The following MAML2 variants were observed in gnomAD, a reference collection of about 807,000 sequenced individuals.
MAML2 encodes the protein mastermind like transcriptional coactivator 2, also known as mastermind-like protein 2.
A neutral mutation model predicts 96.1 loss-of-function variants in MAML2; 22 were observed. The observed-to-expected ratio is 0.23, with a 90% confidence interval of 0.16 to 0.33. The LOEUF (loss-of-function observed/expected upper bound fraction) is 0.33. Among genes scored for constraint, MAML2 ranks in the 10% least tolerant of loss-of-function variants. The pLI is 1.00. For synonymous variants in MAML2, 561 were observed against 521.3 expected, an observed-to-expected ratio of 1.08 and a Z score of -1.04; for missense variants, 1,367 against 1,392.4, an observed-to-expected ratio of 0.98 and a Z score of 0.29.
chr11:96,151,733 C>T (rs1860927038), intron 1 of MAML2, among the ~76,000 whole-genome samples: 1 of 152,198 alleles, frequency 6.6e-6, no homozygotes, highest in Non-Finnish European at 1.5e-5. Flanking sequence ...GAATAAAACT[C>T]CCCTGAGGCC....
intron 4 of MAML2, among the ~76,000 whole-genome samples, chr11:95,980,690 G>A (rs1857723717): frequency 6.6e-6 from 1 of 152,192 alleles, no homozygotes; most frequent in South Asian, 2.1e-4. Context: ...TAAGGCCGAA[G>A]CTCCTCCATT....
rs369382234 is a variant in MAML2 at position 96,092,593 on chromosome 11, T to C, written c.1438A>G (p.Ile480Val). Residue 480 changes from isoleucine to valine, a missense_variant, in exon 2 of 5, where the codon ATC (isoleucine) becomes GTC (valine). Coordinates refer to ENST00000524717, the MANE Select transcript of MAML2 (RefSeq NM_032427.4). The surrounding 1 kb of genome is among the most constrained non-coding windows in gnomAD (Gnocchi z 4.1). ...TGCTGACCAAAAGAAGGGCTGGGGA[T>C]TTTCTCCTGCCCAAATGGACCTGGT... Reference protein sequence around the residue: ...PSPGPFGQEKIPSPSFGQQTF... With the variant: ...PSPGPFGQEKVPSPSFGQQTF... 1 of 1,609,908 alleles carries C rather than the reference T, an allele frequency of 6.2e-7. No individual in the cohort carries two copies. Among genetic ancestry groups the C allele is most frequent in the African/African-American group, 1.3e-5 (1 of 74,758 alleles).
At chr11:96,182,957 C>CTTTTTTTTT (rs11301035) in intron 1 of MAML2, among the ~76,000 whole-genome samples, 1 of 108,256 alleles carries the variant, frequency 9.2e-6, no homozygotes, top group Non-Finnish European at 1.9e-5. Context: ...CCTTTCTTTT[C>CTTTTTTTTT]TTTTTTTTTT....
chr11:96,113,663 C>T (rs1177038933), intron 1 of MAML2, among the ~76,000 whole-genome samples: 1 of 150,210 alleles, frequency 6.7e-6, no homozygotes, highest in Non-Finnish European at 1.5e-5. Flanking sequence ...TATGGGTTTG[C>T]ATTTGAAATG....
intron 1 of MAML2, among the ~76,000 whole-genome samples, chr11:96,281,917 C>A (rs925078674): frequency 6.6e-6 from 1 of 151,928 alleles, no homozygotes; most frequent in African/African-American, 2.4e-5. Context: ...ATCTACTGAG[C>A]AAACAAACTA....
chr11:96,272,832 T>C (rs1224243600), intron 1 of MAML2, among the ~76,000 whole-genome samples: 1 of 152,216 alleles, frequency 6.6e-6, no homozygotes, highest in African/African-American at 2.4e-5. Context: ...GTGCTCTTTG[T>C]GCTACAATCT....
intron 2 of MAML2, among the ~76,000 whole-genome samples, chr11:96,010,518 A>T (rs958414730): frequency 3.3e-5 from 5 of 152,196 alleles, no homozygotes; most frequent in Non-Finnish European, 7.3e-5. Context: ...TAGGATGCTG[A>T]CAGAGGCTAC....
chr11:96,159,855 G>A (rs1010724597), intron 1 of MAML2, among the ~76,000 whole-genome samples: 1 of 152,282 alleles, frequency 6.6e-6, no homozygotes, highest in African/African-American at 2.4e-5. Flanking sequence ...TAGGTGAGGT[G>A]ATACTGATGC....
intron 1 of MAML2, among the ~76,000 whole-genome samples, chr11:96,229,080 A>T (rs1182610050): frequency 6.6e-6 from 1 of 152,152 alleles, no homozygotes; most frequent in African/African-American, 2.4e-5. Context: ...AAAGAAAAAG[A>T]AAGTTGTTTC....
intron 2 of MAML2, among the ~76,000 whole-genome samples, chr11:96,059,701 C>T (rs1400340030): frequency 6.6e-6 from 1 of 152,176 alleles, no homozygotes; most frequent in African/African-American, 2.4e-5. Context: ...TGAGCATTTC[C>T]TTTGAACATC....
At chr11:96,111,795 G>A (rs1337211739) in intron 1 of MAML2, among the ~76,000 whole-genome samples, 1 of 152,162 alleles carries the variant, frequency 6.6e-6, no homozygotes, top group Non-Finnish European at 1.5e-5. Flanking sequence ...CCCACAGCTG[G>A]CTATGCCCAA....
chr11:96,337,404 G>A (rs1863934590), intron 1 of MAML2, among the ~76,000 whole-genome samples: 1 of 152,168 alleles, frequency 6.6e-6, no homozygotes, highest in South Asian at 2.1e-4. Context: ...ACTTTCTTAA[G>A]CTAACAATTA....
At chr11:96,164,093 C>T (rs1344901756) in intron 1 of MAML2, among the ~76,000 whole-genome samples, 1 of 151,752 alleles carries the variant, frequency 6.6e-6, no homozygotes, top group Admixed American at 6.6e-5. Flanking sequence ...CCAAGCTGGT[C>T]TCGAACTCCT....
intron 1 of MAML2, among the ~76,000 whole-genome samples, chr11:96,263,826 A>G (rs60299253): frequency 0.043 from 6,625 of 152,310 alleles, 466 homozygotes; most frequent in African/African-American, 0.15. Flanking sequence ...CAAGAGACCC[A>G]AATGTATGTT....
chr11:96,174,171 C>A (rs1236438839), intron 1 of MAML2, among the ~76,000 whole-genome samples: 1 of 152,110 alleles, frequency 6.6e-6, no homozygotes, highest in Non-Finnish European at 1.5e-5. Context: ...AGAAGGAAAA[C>A]CCTTCCTGGC....
In MAML2 at chr11:96,317,173, C is replaced by T. The variant is rs192005471; in HGVS notation, c.513+24210G>A. On this transcript the variant is annotated intron_variant, in intron 1 of 4. Transcript: ENST00000524717. ...TGTTCCATCTGGGTCACACATGAAG[C>T]CAACAGAGCTTCCACAGAAGGAAAG... Among the ~76,000 whole-genome samples the T allele has an allele frequency of 2.0e-5, 3 of 152,278 alleles. No individual in the cohort carries two copies. In the East Asian group the frequency reaches 5.8e-4, roughly 29 times the overall value.
intron 1 of MAML2, among the ~76,000 whole-genome samples, chr11:96,128,069 C>A (rs564294780): frequency 6.6e-5 from 10 of 152,232 alleles, no homozygotes; most frequent in African/African-American, 2.4e-4. Flanking sequence ...GACTGGGTGT[C>A]TGGGTCTAAA....
At chr11:96,019,978 A>G (rs1481371448) in intron 2 of MAML2, among the ~76,000 whole-genome samples, 2 of 152,166 alleles carry the variant, frequency 1.3e-5, no homozygotes, top group Non-Finnish European at 2.9e-5. Context: ...TACGCTATTC[A>G]GTCGTTAAGT....
chr11:96,026,716 T>C (rs1205628194), intron 2 of MAML2, among the ~76,000 whole-genome samples: 4 of 151,386 alleles, frequency 2.6e-5, no homozygotes, highest in Non-Finnish European at 5.9e-5. Flanking sequence ...TATATTTATA[T>C]GTAGTAGATG....
Sources: allele counts gnomAD v4.1 joint callset (sites outside exome capture counted in the v4.1 genomes callset), GRCh38; gene constraint gnomAD v4.1.1; non-coding constraint Gnocchi (gnomAD v3.1); transcripts MANE v1.5; gene names NCBI Gene and HGNC (gene_info 2026-07-23, HGNC 2026-07-21).